TMEM72: variants seen among roughly 807,000 people sequenced by gnomAD.
TMEM72 encodes kidney-specific secretory protein of 37 kDa.
TMEM72 carries 9 observed loss-of-function variants against 16.3 expected under a neutral mutation model. The observed-to-expected ratio is 0.55, with a 90% CI of 0.33 to 0.96. TMEM72 has a LOEUF of 0.96. Among genes scored for constraint, TMEM72 ranks in the 40% least tolerant of loss-of-function variants. The pLI is 0.03. For synonymous variants in TMEM72, 160 were observed against 146.5 expected, an observed-to-expected ratio of 1.09 and a Z score of -0.66; for missense variants, 324 against 337.8, an observed-to-expected ratio of 0.96 and a Z score of 0.32.
intron 1 of TMEM72, among the ~76,000 whole-genome samples, chr10:44,914,924 A>T (rs1839991912): frequency 6.6e-6 from 1 of 151,588 alleles, no homozygotes; most frequent in Non-Finnish European, 1.5e-5. Flanking sequence ...CTCCTTTGCC[A>T]CTCCCCAGCC....
At chr10:44,912,124 A>G (rs1174887972) in intron 1 of TMEM72, among the ~76,000 whole-genome samples, 1 of 152,174 alleles carries the variant, frequency 6.6e-6, no homozygotes, top group African/African-American at 2.4e-5. Flanking sequence ...TGTTAACAGA[A>G]CACCCTGTAG....
Position 44,933,888 on chromosome 10 carries a change from C to T in TMEM72, c.349+112C>T, listed in dbSNP as rs1332630774. On this transcript the variant is annotated intron_variant, in intron 4 of 4. Transcript: ENST00000389583. ...TGGTGGCTCCAGGGACCTTACCTGC[C>T]CCACTGCCCTCTCTGACCTAGAGGG... is the stretch of plus-strand genomic sequence containing the variant. 7.5e-6 allele frequency: 10 copies of T among 1,335,164 alleles called. No homozygotes were observed. In the East Asian group the frequency reaches 2.1e-4, roughly 27 times the overall value. 82.7% of individuals were successfully genotyped at this position (1,335,164 alleles called of 1,614,324 possible).
rs1281105220 is a variant in TMEM72 at position 44,932,014 on chromosome 10, G to C, written c.154G>C (p.Val52Leu). 1 of 1,613,214 alleles carries C rather than the reference G, an allele frequency of 6.2e-7. No individual in the cohort carries two copies. The highest frequency in any genetic ancestry group is 8.5e-7 in the Non-Finnish European group (1 of 1,179,684). ...CACCTGCAGGTTTACAGGAGCCGCT[G>C]TCTCCATATGTGAAGGGGCCTACTT... Reference protein sequence around the residue: ...AFYLLFTGAAVSICEGAYFVA... With the variant: ...AFYLLFTGAALSICEGAYFVA... Residue 52 changes from valine to leucine, a missense_variant, in exon 3 of 5, where the codon GTC (valine) becomes CTC (leucine). Coordinates refer to ENST00000389583, the MANE Select transcript of TMEM72 (RefSeq NM_001123376.3).
intron 2 of TMEM72, among the ~76,000 whole-genome samples, chr10:44,928,653 T>C (rs1285896389): frequency 2.0e-5 from 2 of 102,184 alleles, no homozygotes; most frequent in Non-Finnish European, 4.3e-5. Flanking sequence ...CAACTACCCA[T>C]ACACCCAACC....
intron 4 of TMEM72, 119 bp from the exon 5 acceptor site, chr10:44,934,537 G>A: frequency 1.0e-6 from 1 of 1,000,636 alleles, no homozygotes; most frequent in Admixed American, 2.7e-5. Flanking sequence ...AGGGCCACAG[G>A]GGCCTGTGAA....
chr10:44,932,220 G>A (rs1840310944), intron 3 of TMEM72, 151 bp downstream of exon 3: 2 of 941,810 alleles, frequency 2.1e-6, no homozygotes, highest in Non-Finnish European at 3.2e-6. Flanking sequence ...AGCCTGGCCT[G>A]GAGGTGGGCA....
chr10:44,925,190 C>A (rs1326941006), intron 1 of TMEM72, among the ~76,000 whole-genome samples: 1 of 152,194 alleles, frequency 6.6e-6, no homozygotes, highest in Non-Finnish European at 1.5e-5. Flanking sequence ...TCTCTGTTGC[C>A]ATTTTTTTTA....
chr10:44,911,346 T>A lies in TMEM72; in HGVS notation c.-167T>A. On this transcript the variant is annotated 5_prime_UTR_variant, in exon 1 of 5. Transcript: ENST00000389583. ...TGAGAGCACAGAAGGTGAGCCCTAT[T>A]CACACCTCGGCCAGGCTGCGGTGGC... 1.6e-6 allele frequency: 1 copy of A among 638,688 alleles called. No individual in the cohort carries two copies. The highest frequency in any genetic ancestry group is 2.7e-6 in the Non-Finnish European group (1 of 367,060). 39.6% of individuals were successfully genotyped at this position (638,688 alleles called of 1,614,324 possible).
chr10:44,911,487 A>G lies in TMEM72; in HGVS notation c.-26A>G. 3.9e-6 allele frequency: 6 copies of G among 1,549,238 alleles called. No homozygotes were observed. Among genetic ancestry groups the G allele is most frequent in the Non-Finnish European group, 5.2e-6 (6 of 1,146,260 alleles). On this transcript the variant is annotated 5_prime_UTR_variant, in exon 1 of 5. Coordinates refer to ENST00000389583, the MANE Select transcript of TMEM72 (RefSeq NM_001123376.3). ...CGAAGACTTTGCTGCCTGCCCTGCCAGGACTTTGTCCTCACCCCTGGCACC... is the reference window on the plus strand; with the variant it reads ...CGAAGACTTTGCTGCCTGCCCTGCCGGGACTTTGTCCTCACCCCTGGCACC...
intron 3 of TMEM72, among the ~76,000 whole-genome samples, chr10:44,932,419 C>T (rs1672245356): frequency 1.3e-5 from 2 of 152,192 alleles, no homozygotes; most frequent in South Asian, 4.1e-4. Context: ...TGCAGAAGGC[C>T]CAGCTGGGAG....
Position 44,934,695 on chromosome 10 carries a change from T to C in TMEM72, c.389T>C (p.Leu130Pro). The C allele has an allele frequency of 6.2e-7, 1 of 1,606,672 alleles. No homozygotes were observed. Among genetic ancestry groups the C allele is most frequent in the Non-Finnish European group, 8.5e-7 (1 of 1,177,046 alleles). Residue 130 changes from leucine (L) to proline (P), a missense_variant, in exon 5 of 5, where the codon CTG becomes CCG. Physicochemically the swap from Leu to Pro is moderately conservative, Grantham distance 98. Transcript: ENST00000389583. ...ATCACCGGCCTGGCCTACTTCCTTC[T>C]GAGCAAGCGGAAGAAGAGGAAAGCT... ...LIITGLAYFL[L>P]SKRKKRKAAP...
chr10:44,933,913 GTGGA>G, intron 4 of TMEM72, 137 bp downstream of exon 4: 1 of 1,125,546 alleles, frequency 8.9e-7, no homozygotes, highest in Non-Finnish European at 1.2e-6. Context: ...GACCTAGAGG[GTGGA>G]CATGAGGAAT....
chr10:44,923,830 G>A (rs1840141771), intron 1 of TMEM72, among the ~76,000 whole-genome samples: 1 of 152,210 alleles, frequency 6.6e-6, no homozygotes, highest in African/African-American at 2.4e-5. Flanking sequence ...TCCCCAGACA[G>A]AACAGACCCT....
At chr10:44,929,967 C>T (rs746462665) in intron 2 of TMEM72, among the ~76,000 whole-genome samples, 54 of 152,258 alleles carry the variant, frequency 3.5e-4, no homozygotes, top group Non-Finnish European at 7.1e-4. Flanking sequence ...TGTCCCTAGC[C>T]GCTGTGCACC....
intron 1 of TMEM72, among the ~76,000 whole-genome samples, chr10:44,921,061 C>T (rs1006694298): frequency 3.3e-5 from 5 of 152,222 alleles, no homozygotes; most frequent in Non-Finnish European, 5.9e-5. Context: ...AGGAAAGCAA[C>T]ACAGAAGCAA....
chr10:44,934,559 C>A lies in TMEM72; in HGVS notation c.350-97C>A, dbSNP rs900721008. The A allele has an allele frequency of 5.6e-6, 7 of 1,254,194 alleles. No individual in the cohort carries two copies. In the African/African-American group the frequency reaches 7.5e-5, roughly 14 times the overall value. The allele number at this position is 1,254,194 out of a possible 1,614,324, so 77.7% of individuals were successfully genotyped here. A position where few individuals can be genotyped will look rare whatever the true frequency, so the allele number is the denominator to read the frequency against. Reference sequence around the variant, plus strand: ...CAGGGGCCTGTGAATGGCCACACAGCGCCGGGTTGCAGGAGCTCTGCTGCA... The same window carrying A: ...CAGGGGCCTGTGAATGGCCACACAGAGCCGGGTTGCAGGAGCTCTGCTGCA... On this transcript the variant is annotated intron_variant, in intron 4 of 4. Coordinates refer to ENST00000389583, the MANE Select transcript of TMEM72 (RefSeq NM_001123376.3).
In TMEM72 at chr10:44,935,957, G is replaced by C. The variant is rs1840394755; in HGVS notation, c.*823G>C. ...CCCAGGGGTGGCACAGCACAGAGAA[G>C]TGTCAGTGCCGTGTTTAGGCACTTG... On this transcript the variant is annotated 3_prime_UTR_variant, in exon 5 of 5. Coordinates refer to ENST00000389583, the MANE Select transcript of TMEM72 (RefSeq NM_001123376.3). 1 of 152,274 alleles carries C rather than the reference G, an allele frequency of 6.6e-6. No homozygotes were observed. The highest frequency in any genetic ancestry group is 1.5e-5 in the Non-Finnish European group (1 of 68,076). 9.4% of individuals were successfully genotyped at this position (152,274 alleles called of 1,614,324 possible).
rs7067692 is a variant in TMEM72, at chr10:44,935,251, A to G, written c.*117A>G. On this transcript the variant is annotated 3_prime_UTR_variant, in exon 5 of 5. Coordinates refer to ENST00000389583, the MANE Select transcript of TMEM72 (RefSeq NM_001123376.3). ...TCAAGGGGTAACCAGACACCCCCAC[A>G]CTGGCTGGGCCCCTGAGGCCATCAG... 752,472 of 993,208 alleles carry G rather than the reference A, an allele frequency of 0.76. 289,336 individuals carry two copies. The highest frequency in any genetic ancestry group is 0.91 in the African/African-American group (55,320 of 60,886). The allele number at this position is 993,208 out of a possible 1,614,324, so 61.5% of individuals were successfully genotyped here. A position where few individuals can be genotyped will look rare whatever the true frequency, so the allele number is the denominator to read the frequency against.
At chr10:44,920,893 G>A (rs528744836) in intron 1 of TMEM72, among the ~76,000 whole-genome samples, 1 of 152,178 alleles carries the variant, frequency 6.6e-6, no homozygotes, top group East Asian at 1.9e-4. Flanking sequence ...TTTCTGCTCT[G>A]GTGCAGCCCC....
Sources: allele counts gnomAD v4.1 joint callset (sites outside exome capture counted in the v4.1 genomes callset), GRCh38; gene constraint gnomAD v4.1.1; transcripts MANE v1.5; gene names NCBI Gene and HGNC (gene_info 2026-07-23, HGNC 2026-07-21).